Variants in INTS6 observed in about 807,000 individuals in gnomAD.
The protein encoded by INTS6 is DEAD box protein.
INTS6 carries 16 observed loss-of-function variants against 104.9 expected under a neutral mutation model. The observed-to-expected ratio is 0.15, with a 90% CI of 0.10 to 0.23. INTS6 has a LOEUF of 0.23. Ranked by LOEUF, INTS6 falls within the 10% of genes least tolerant of loss-of-function variation. The pLI, the probability that INTS6 is intolerant of heterozygous loss-of-function variation, is 1.00. For synonymous variants in INTS6, 324 were observed against 358.7 expected (o/e 0.90, Z 1.09); for missense variants, 584 against 1,062.8 (o/e 0.55, Z 6.26).
chr13:51,378,043 A>C (rs763304064), intron 12 of INTS6, among the ~76,000 whole-genome samples, 196 bp downstream of exon 12: 3 of 152,106 alleles, frequency 2.0e-5, no homozygotes, highest in Admixed American at 2.0e-4. Flanking sequence ...ACTCTTCATC[A>C]ATCTATCCAT....
At position 51,382,032 on chromosome 13, in the gene INTS6, A is replaced by G; in HGVS notation, c.1272T>C (p.Leu424=). The stretch of plus-strand genomic sequence containing the variant: ...TTCTTTTAAATAATATTCTTACCCC[A>G]AGATAGTAGGGAGGCATTGTCTTCA... ...SYLKTMPPYY[L]GPLKKAVRMM... is the part of the protein sequence containing the mutation. The change falls in exon 10 of 18, where the codon CTT becomes CTC. Residue 424 remains leucine (L), a synonymous_variant. Transcript: ENST00000311234. 1 of 1,603,072 alleles carries G rather than the reference A, an allele frequency of 6.2e-7. No homozygotes were observed. Among genetic ancestry groups the G allele is most frequent in the Non-Finnish European group, 8.5e-7 (1 of 1,172,254 alleles).
the INTS6 span, among the ~76,000 whole-genome samples, chr13:51,344,935 C>G: frequency 1.3e-5 from 2 of 152,176 alleles, no homozygotes; most frequent in African/African-American, 4.8e-5. Context: ...AAGTTACACA[C>G]AATAAGATGT....
chr13:51,348,241 G>A, the INTS6 span: 1 of 1,600,496 alleles, frequency 6.2e-7, no homozygotes, highest in South Asian at 1.1e-5. Context: ...CAGGCCATCA[G>A]GTGGGGGTGC....
intron 3 of INTS6, among the ~76,000 whole-genome samples, chr13:51,356,377 G>T (rs1229406289): frequency 6.6e-6 from 1 of 152,024 alleles, no homozygotes; most frequent in East Asian, 1.9e-4. Flanking sequence ...AAAGAGCAAG[G>T]GATGAAGAAC....
chr13:51,451,583 C>G (rs1304981277), intron 2 of INTS6: 1 of 155,932 alleles, frequency 6.4e-6, no homozygotes, highest in Non-Finnish European at 1.4e-5. Flanking sequence ...CCGGCCGGGC[C>G]GATTCCCCTT....
intron 3 of INTS6, chr13:51,438,927 A>T (rs1952742911): frequency 1.3e-5 from 2 of 152,214 alleles, no homozygotes; most frequent in Non-Finnish European, 2.9e-5. Flanking sequence ...ATATTCAATT[A>T]TCTTCAATTC....
intron 5 of INTS6, among the ~76,000 whole-genome samples, chr13:51,394,172 C>T (rs1956293740): frequency 1.3e-5 from 2 of 152,006 alleles, no homozygotes; most frequent in Admixed American, 6.6e-5. Flanking sequence ...GAGAATTGTT[C>T]ATTAATTTTC....
chr13:51,349,568 A>G (rs1464093219), downstream of INTS6, among the ~76,000 whole-genome samples: 2 of 152,348 alleles, frequency 1.3e-5, no homozygotes, highest in Non-Finnish European at 2.9e-5. Flanking sequence ...GGCTGGTGCG[A>G]GAATTCGCCA....
In INTS6 at chr13:51,361,770, G is replaced by A; in HGVS notation, c.*3982C>T. The A allele has an allele frequency of 6.5e-7, 1 of 1,527,480 alleles. No individual in the cohort carries two copies. Among genetic ancestry groups the A allele is most frequent in the Non-Finnish European group, 8.8e-7 (1 of 1,131,662 alleles). The allele number at this position is 1,527,480 out of a possible 1,614,324, so 94.6% of individuals were successfully genotyped here. On this transcript the variant is annotated 3_prime_UTR_variant, in exon 18 of 18. Coordinates refer to ENST00000311234, the MANE Select transcript of INTS6 (RefSeq NM_012141.3). Reference sequence around the variant, plus strand: ...AACCAATAGTTATTTTCTTAAAAATGCACAGAAAATGCAATGGAATTTTTC... The same window carrying A: ...AACCAATAGTTATTTTCTTAAAAATACACAGAAAATGCAATGGAATTTTTC...
chr13:51,382,665 AACTAT>A (rs147263962), intron 9 of INTS6, among the ~76,000 whole-genome samples: 4,408 of 152,328 alleles, frequency 0.029, 220 homozygotes, highest in African/African-American at 0.1. Context: ...AGATCTTGTT[AACTAT>A]ACTATGTTTC....
intron 4 of INTS6, among the ~76,000 whole-genome samples, chr13:51,424,190 G>A (rs994836457): frequency 6.6e-6 from 1 of 151,686 alleles, no homozygotes; most frequent in South Asian, 2.1e-4. Context: ...ATAAACACAG[G>A]GTGAAATTGC....
At chr13:51,450,852 G>A (rs955918386) in intron 3 of INTS6, 173 bp downstream of exon 3, 47 of 1,227,090 alleles carry the variant, frequency 3.8e-5, no homozygotes, top group African/African-American at 2.2e-4. Context: ...AAAAAATGAG[G>A]GATGTAAAAT....
At chr13:51,407,941 C>G (rs1956604308) in intron 4 of INTS6, among the ~76,000 whole-genome samples, 1 of 149,178 alleles carries the variant, frequency 6.7e-6, no homozygotes, top group Non-Finnish European at 1.5e-5. Context: ...CGCTTGAACC[C>G]AAGAGGCAGA....
At position 51,364,188 on chromosome 13, in the gene INTS6, A is replaced by G. The variant is rs1185656622; in HGVS notation, c.*1564T>C. The G allele has an allele frequency of 9.3e-6, 8 of 864,166 alleles. No homozygotes were observed. Among genetic ancestry groups the G allele is most frequent in the Admixed American group, 5.5e-5 (2 of 36,536 alleles). 53.5% of individuals were successfully genotyped at this position (864,166 alleles called of 1,614,324 possible). On this transcript the variant is annotated 3_prime_UTR_variant, in exon 18 of 18. Coordinates refer to ENST00000311234, the MANE Select transcript of INTS6 (RefSeq NM_012141.3). The stretch of plus-strand genomic sequence containing the variant: ...GTATAGAAGTAAACAAAGCTTAAAG[A>G]ACTGCATATGAAAATACTATATAAT...
rs1202026265 is a variant in INTS6 at position 51,374,725 on chromosome 13, G to A, written c.1801C>T (p.Leu601=). 2 of 1,613,500 alleles carry A rather than the reference G, an allele frequency of 1.2e-6. No individual in the cohort carries two copies. Among genetic ancestry groups the A allele is most frequent in the Non-Finnish European group, 1.7e-6 (2 of 1,179,918 alleles). ...GGCTGATCAGGATCAAGTTCTCTTA[G>A]TGGAGAAGGTACTTGCTTGAGGTAT... ...QEYLKQVPSP[L]RELDPDQPRR... The change falls in exon 14 of 18, where the codon CTA becomes TTA. Residue 601 remains leucine, a synonymous_variant. Coordinates refer to ENST00000311234, the MANE Select transcript of INTS6 (RefSeq NM_012141.3).
intron 3 of INTS6, chr13:51,449,514 G>A (rs2138175542): frequency 1.0e-6 from 1 of 985,208 alleles, no homozygotes; most frequent in Middle Eastern, 5.2e-4. Context: ...GGTAATAGGA[G>A]GTGAATATGT....
chr13:51,436,849 A>G (rs1210339671), intron 3 of INTS6: 1 of 152,228 alleles, frequency 6.6e-6, no homozygotes, highest in African/African-American at 2.4e-5. Context: ...ATGCCTAAAA[A>G]GTAGTGCCAG....
chr13:51,421,982 C>T (rs868575191), intron 4 of INTS6, among the ~76,000 whole-genome samples: 5 of 151,864 alleles, frequency 3.3e-5, no homozygotes, highest in South Asian at 4.2e-4. Flanking sequence ...GCTGATTTAA[C>T]GCTTATTTAT....
chr13:51,389,521 C>A, intron 5 of INTS6, 77 bp from the exon 6 acceptor site: 214 of 1,252,382 alleles, frequency 1.7e-4, no homozygotes, highest in East Asian at 2.7e-4. Flanking sequence ...CTATCATTAG[C>A]AAGAAAAAAA....
Sources: allele counts gnomAD v4.1 joint callset (sites outside exome capture counted in the v4.1 genomes callset), GRCh38; gene constraint gnomAD v4.1.1; transcripts MANE v1.5; gene names NCBI Gene and HGNC (gene_info 2026-07-23, HGNC 2026-07-21).